The following SORT1 variants were observed in gnomAD, a reference collection of about 807,000 sequenced individuals.
The protein encoded by SORT1 is sortilin.
Under a neutral mutation model 101.7 loss-of-function variants are expected in SORT1, and 39 were observed. The ratio of observed to expected loss-of-function variants is 0.38; its 90% CI spans 0.30 to 0.50. The LOEUF (loss-of-function observed/expected upper bound fraction) is 0.50. Among genes scored for constraint, SORT1 ranks in the 20% least tolerant of loss-of-function variants. The pLI is 0.90. For missense variants in SORT1, 878 were observed against 1,040.4 expected (o/e 0.84, Z 2.15); for synonymous variants, 396 against 393.7 (o/e 1.01, Z -0.07).
chr1:109,319,567 T>C (rs1156264800), intron 15 of SORT1, among the ~76,000 whole-genome samples: 2 of 152,176 alleles, frequency 1.3e-5, no homozygotes, highest in African/African-American at 2.4e-5. Context: ...CTTCTGCAAC[T>C]TTGAAAATAA....
intron 15 of SORT1, 83 bp downstream of exon 15, chr1:109,322,849 T>C (rs1647726310): frequency 2.6e-6 from 3 of 1,150,854 alleles, no homozygotes; most frequent in East Asian, 2.5e-5. Flanking sequence ...TGGATTTCAA[T>C]ATTTGTTAGC....
At chr1:109,329,807 C>T (rs922790916) in intron 11 of SORT1, among the ~76,000 whole-genome samples, 3 of 152,190 alleles carry the variant, frequency 2.0e-5, no homozygotes, top group African/African-American at 4.8e-5. Context: ...ATCATCCAGA[C>T]AGAAAACCAG....
rs2101506952 is a variant in SORT1, at chr1:109,310,352, C to T, written c.*3691G>A. The stretch of plus-strand genomic sequence containing the variant: ...ACATGCTCCTGCTATTTCAATGATG[C>T]TTCATGAGGGCAAGGCCTGGGCTCT... On this transcript the variant is annotated 3_prime_UTR_variant, in exon 20 of 20. Coordinates refer to ENST00000256637, the MANE Select transcript of SORT1 (RefSeq NM_002959.7). 6.5e-6 allele frequency: 1 copy of T among 154,034 alleles called. No homozygotes were observed. Among genetic ancestry groups the T allele is most frequent in the South Asian group, 2.1e-4 (1 of 4,834 alleles). 9.5% of individuals were successfully genotyped at this position (154,034 alleles called of 1,614,324 possible). A position where few individuals can be genotyped will look rare whatever the true frequency, so the allele number is the denominator to read the frequency against.
At position 109,313,647 on chromosome 1, in the gene SORT1, A is replaced by G. The variant is rs1254460696; in HGVS notation, c.*396T>C. ...GGGATGGTACCAAGTACACTGTGAG[A>G]GCTGATACTGGAGTTGGCAGATGCC... On this transcript the variant is annotated 3_prime_UTR_variant, in exon 20 of 20. Coordinates refer to ENST00000256637, the MANE Select transcript of SORT1 (RefSeq NM_002959.7). 1.2e-5 allele frequency: 3 copies of G among 252,674 alleles called. No individual in the cohort carries two copies. Among genetic ancestry groups the G allele is most frequent in the Non-Finnish European group, 2.3e-5 (3 of 130,180 alleles). 15.7% of individuals were successfully genotyped at this position (252,674 alleles called of 1,614,324 possible). A position where few individuals can be genotyped will look rare whatever the true frequency, so the allele number is the denominator to read the frequency against.
rs1439990241 is a variant in SORT1, at chr1:109,312,137, G to T, written c.*1906C>A. On this transcript the variant is annotated 3_prime_UTR_variant, in exon 20 of 20. Transcript: ENST00000256637. Reference sequence around the variant, plus strand: ...CACAGTGAGTACATGCTGGGAGAAAGGTGAGTGGTATAAACAGTTCTTTTC... The same window carrying T: ...CACAGTGAGTACATGCTGGGAGAAATGTGAGTGGTATAAACAGTTCTTTTC... The T allele has an allele frequency of 6.6e-6, 1 of 152,236 alleles. No homozygotes were observed. The highest frequency in any genetic ancestry group is 1.5e-5 in the Non-Finnish European group (1 of 68,048). 9.4% of individuals were successfully genotyped at this position (152,236 alleles called of 1,614,324 possible).
At chr1:109,367,331 A>G (rs1227204075) in intron 3 of SORT1, 77 bp downstream of exon 3, 7 of 824,392 alleles carry the variant, frequency 8.5e-6, no homozygotes, top group Non-Finnish European at 1.4e-5. Flanking sequence ...GTTACGTGCC[A>G]TCATGTCTAG....
rs77168981 is a variant in SORT1 at position 109,353,633 on chromosome 1, A to G, written c.708+734T>C. ...CCACAACAGTAGTCATTGATTTATT[A>G]TATCTGGGTTTGGGCAAAGGGATGT... On this transcript the variant is annotated intron_variant, in intron 5 of 19. Transcript: ENST00000256637. Among the ~76,000 whole-genome samples, 21 of 152,276 alleles carry G rather than the reference A, an allele frequency of 1.4e-4. 1 individual carries two copies. In the East Asian group the frequency reaches 4.1e-3, roughly 29 times the overall value.
At chr1:109,362,735 C>T (rs538263200) in intron 3 of SORT1, among the ~76,000 whole-genome samples, 190 of 151,264 alleles carry the variant, frequency 1.3e-3, no homozygotes, top group Non-Finnish European at 2.5e-3. Flanking sequence ...GACAACTTTA[C>T]GTGTATAGAA....
intron 7 of SORT1, among the ~76,000 whole-genome samples, chr1:109,346,161 A>G (rs1649574217): frequency 6.6e-6 from 1 of 151,398 alleles, no homozygotes. Flanking sequence ...AATACAAAAA[A>G]ATTTAGCCAG....
intron 1 of SORT1, among the ~76,000 whole-genome samples, chr1:109,376,353 A>C (rs1320034119): frequency 6.7e-6 from 1 of 149,228 alleles, no homozygotes; most frequent in Non-Finnish European, 1.5e-5. Flanking sequence ...AAAAAAAGGA[A>C]CTTAAAAGAG....
intron 18 of SORT1, 61 bp downstream of exon 18, chr1:109,314,608 ATAT>A: frequency 8.1e-7 from 1 of 1,239,562 alleles, no homozygotes. Flanking sequence ...AGACTCAGCC[ATAT>A]GCCCTAGATC....
At chr1:109,355,650 C>G (rs1175192366) in intron 3 of SORT1, among the ~76,000 whole-genome samples, 181 bp from the exon 4 acceptor site, 2 of 135,626 alleles carry the variant, frequency 1.5e-5, no homozygotes, top group East Asian at 5.4e-4. Flanking sequence ...CACCCGCCCC[C>G]CCCCCCACAA....
chr1:109,352,893 C>T (rs1650055697), intron 5 of SORT1, among the ~76,000 whole-genome samples: 1 of 152,184 alleles, frequency 6.6e-6, no homozygotes, highest in Non-Finnish European at 1.5e-5. Context: ...AAGGGGAGCT[C>T]TATGGGTCTG....
At chr1:109,355,888 T>G (rs1650285862) in intron 3 of SORT1, among the ~76,000 whole-genome samples, 2 of 151,950 alleles carry the variant, frequency 1.3e-5, no homozygotes, top group African/African-American at 4.8e-5. Flanking sequence ...TTTTTTTTTT[T>G]CCTTTGAGAC....
At chr1:109,326,218 T>C (rs1648010151) in intron 13 of SORT1, among the ~76,000 whole-genome samples, 1 of 148,392 alleles carries the variant, frequency 6.7e-6, no homozygotes, top group Non-Finnish European at 1.5e-5. Context: ...CAGCTAATTT[T>C]TCTTTTTTTT....
In SORT1 at chr1:109,381,765, G is replaced by C. The variant is rs147059052; in HGVS notation, c.307-12176C>G. ...CCAGGCATGGTGGCAAGCACCTGTC[G>C]TCCCAGATACACTGTTTGAGCCCAG... On this transcript the variant is annotated intron_variant, in intron 1 of 19. Coordinates refer to ENST00000256637, the MANE Select transcript of SORT1 (RefSeq NM_002959.7). Among the ~76,000 whole-genome samples the C allele has an allele frequency of 8.3e-3, 1,269 of 152,098 alleles. 20 individuals are homozygous for C. The highest frequency in any genetic ancestry group is 0.029 in the African/African-American group (1,194 of 41,486).
chr1:109,315,563 CAG>C (rs1207223753), intron 17 of SORT1, among the ~76,000 whole-genome samples: 1 of 152,128 alleles, frequency 6.6e-6, no homozygotes. Flanking sequence ...CTTAGAACAG[CAG>C]AGAGGAGGGA....
chr1:109,393,879 A>C (rs1402742665), intron 1 of SORT1, among the ~76,000 whole-genome samples: 1 of 151,630 alleles, frequency 6.6e-6, no homozygotes, highest in Non-Finnish European at 1.5e-5. Context: ...ATATTTATAC[A>C]ATAATATACA....
chr1:109,322,696 A>AT (rs1266344436), intron 15 of SORT1, among the ~76,000 whole-genome samples: 10 of 151,428 alleles, frequency 6.6e-5, no homozygotes, highest in South Asian at 2.1e-4. Flanking sequence ...TGCCCTGCTA[A>AT]TTTTTTTTTG....
Sources: gnomAD v4.1 joint callset for allele counts (sites outside exome capture counted in the v4.1 genomes callset) on GRCh38, gnomAD v4.1.1 for gene constraint, MANE v1.5 for transcripts, NCBI Gene and HGNC (gene_info 2026-07-23, HGNC 2026-07-21) for gene names.